Variants in ADIPOR2 observed in about 807,000 individuals in gnomAD.
The protein encoded by ADIPOR2 is adiponectin receptor 2, also known as adiponectin receptor protein 2.
Under a neutral mutation model 40.9 loss-of-function variants are expected in ADIPOR2, and 18 were observed. The ratio of observed to expected loss-of-function variants is 0.44; its 90% CI spans 0.30 to 0.65. The LOEUF (loss-of-function observed/expected upper bound fraction) is 0.65. Ranked by LOEUF, ADIPOR2 falls within the 30% of genes least tolerant of loss-of-function variation. The pLI, the probability that ADIPOR2 is intolerant of heterozygous loss-of-function variation, is 0.09. For missense variants in ADIPOR2, 283 were observed against 479.2 expected (o/e 0.59, Z 3.82); for synonymous variants, 165 against 166.4 (o/e 0.99, Z 0.06).
At chr12:1,768,309 A>G (rs888255636) in intron 2 of ADIPOR2, among the ~76,000 whole-genome samples, 1 of 152,094 alleles carries the variant, frequency 6.6e-6, no homozygotes, top group Non-Finnish European at 1.5e-5. Flanking sequence ...CTCTAGATGA[A>G]CTAGTCTCTT....
rs746463688 is a variant in ADIPOR2 at position 1,754,470 on chromosome 12, G to C, written c.127G>C (p.Glu43Gln). Residue 43 changes from glutamate (E) to glutamine (Q), a missense_variant, in exon 2 of 8, where the codon GAG becomes CAG. Physicochemically the swap from Glu to Gln is conservative, Grantham distance 29. Around this residue, in one of 3 missense-constraint regions of ADIPOR2, gnomAD observed 65 missense variants for 79.9 expected, o/e 0.81. Coordinates refer to ENST00000357103, the MANE Select transcript of ADIPOR2 (RefSeq NM_024551.3). Reference protein sequence around the residue: ...GDNDSHQGDLEPILEASVLSS... With the variant: ...GDNDSHQGDLQPILEASVLSS... ...TAATGACAGCCACCAAGGAGATTTGGAGCCCATTTTAGAGGCATCTGTTCT... is the reference window on the plus strand; with the variant it reads ...TAATGACAGCCACCAAGGAGATTTGCAGCCCATTTTAGAGGCATCTGTTCT... The C allele has an allele frequency of 1.9e-6, 3 of 1,613,084 alleles. No homozygotes were observed. Among genetic ancestry groups the C allele is most frequent in the Admixed American group, 3.3e-5 (2 of 59,870 alleles).
At chr12:1,773,540 A>G (rs1000038047) in intron 3 of ADIPOR2, among the ~76,000 whole-genome samples, 1 of 146,340 alleles carries the variant, frequency 6.8e-6, no homozygotes, top group Non-Finnish European at 1.5e-5. Context: ...TTTTTTCTAA[A>G]ATAGTAATTA....
chr12:1,778,565 G>C (rs1037301628), intron 4 of ADIPOR2: 5 of 152,128 alleles, frequency 3.3e-5, no homozygotes, highest in Non-Finnish European at 5.9e-5. Context: ...ACCCAAAATG[G>C]ATCAAAGACC....
Position 1,691,812 on chromosome 12 carries a change from G to T in ADIPOR2, c.-87+621G>T, listed in dbSNP as rs77946176. Among the ~76,000 whole-genome samples, 966 of 152,258 alleles carry T rather than the reference G, an allele frequency of 6.3e-3. 9 individuals are homozygous for T. Among genetic ancestry groups the T allele is most frequent in the African/African-American group, 0.022 (911 of 41,540 alleles). ...TATAAATCAGTTTTTAGGGGGCTCG[G>T]AGAGAGTTTGGGTTGGAAACTGTTA... On this transcript the variant is annotated intron_variant, in intron 1 of 7. Transcript: ENST00000357103.
At chr12:1,706,384 G>A (rs2094662761) in intron 1 of ADIPOR2, among the ~76,000 whole-genome samples, 1 of 152,140 alleles carries the variant, frequency 6.6e-6, no homozygotes, top group Admixed American at 6.5e-5. Flanking sequence ...GTCACAAGAA[G>A]GGCTTTTGGT....
intron 2 of ADIPOR2, among the ~76,000 whole-genome samples, chr12:1,770,706 C>T (rs755219515): frequency 1.4e-4 from 22 of 151,968 alleles, no homozygotes; most frequent in Non-Finnish European, 2.8e-4. Flanking sequence ...GGAAATGATA[C>T]GCTAAAAATG....
At chr12:1,775,169 G>T (rs1002961169) in intron 3 of ADIPOR2, among the ~76,000 whole-genome samples, 10 of 152,212 alleles carry the variant, frequency 6.6e-5, no homozygotes, top group Non-Finnish European at 1.0e-4. Flanking sequence ...GCATTTTATG[G>T]TCTAATATAT....
intron 1 of ADIPOR2, among the ~76,000 whole-genome samples, chr12:1,702,206 T>A (rs891251385): frequency 6.6e-6 from 1 of 152,178 alleles, no homozygotes; most frequent in African/African-American, 2.4e-5. Context: ...TAGAAAAATA[T>A]CAGGTTGTAT....
chr12:1,696,639 TC>T (rs1054317791), intron 1 of ADIPOR2: 7 of 152,232 alleles, frequency 4.6e-5, no homozygotes, highest in African/African-American at 1.7e-4. Context: ...CGAGCGATCC[TC>T]CTCCCTCAGC....
intron 1 of ADIPOR2, among the ~76,000 whole-genome samples, chr12:1,743,945 G>A (rs1272563301): frequency 6.6e-6 from 1 of 152,140 alleles, no homozygotes; most frequent in Admixed American, 6.5e-5. Flanking sequence ...CTGTGTCATT[G>A]TGTATGCCTG....
At chr12:1,725,755 A>G (rs554147209) in intron 1 of ADIPOR2, among the ~76,000 whole-genome samples, 10 of 152,386 alleles carry the variant, frequency 6.6e-5, no homozygotes, top group African/African-American at 2.4e-4. Flanking sequence ...TATAATACAA[A>G]TACACAAATT....
At chr12:1,760,661 C>T (rs1463678395) in intron 2 of ADIPOR2, 1 of 152,146 alleles carries the variant, frequency 6.6e-6, no homozygotes, top group Non-Finnish European at 1.5e-5. Context: ...GTACTTCATT[C>T]CTCTTTATGA....
chr12:1,724,804 TCA>T (rs753020465), intron 1 of ADIPOR2, among the ~76,000 whole-genome samples: 16 of 151,760 alleles, frequency 1.1e-4, no homozygotes, highest in Non-Finnish European at 2.1e-4. Context: ...GATCCTCCCA[TCA>T]CAGCCTCCCA....
At chr12:1,772,465 C>G (rs775277781) in intron 2 of ADIPOR2, among the ~76,000 whole-genome samples, 17 of 152,138 alleles carry the variant, frequency 1.1e-4, no homozygotes, top group Non-Finnish European at 2.1e-4. Flanking sequence ...TTGTGTATCA[C>G]AGTTAGTTAT....
chr12:1,785,432 C>A (rs753894573), intron 7 of ADIPOR2, among the ~76,000 whole-genome samples: 1 of 152,044 alleles, frequency 6.6e-6, no homozygotes, highest in Non-Finnish European at 1.5e-5. Context: ...TGTGACATTC[C>A]ACACACCATC....
At chr12:1,728,677 T>A (rs997350608) in intron 1 of ADIPOR2, among the ~76,000 whole-genome samples, 3 of 151,730 alleles carry the variant, frequency 2.0e-5, no homozygotes, top group African/African-American at 7.3e-5. Context: ...TGAGCCAAGA[T>A]GGCGCCATTG....
intron 1 of ADIPOR2, among the ~76,000 whole-genome samples, chr12:1,715,441 G>A (rs1489472703): frequency 2.6e-5 from 4 of 152,088 alleles, no homozygotes; most frequent in African/African-American, 7.3e-5. Flanking sequence ...GGGTGAGCCT[G>A]TTGATGCCTG....
At chr12:1,694,889 C>T (rs1233874761) in intron 1 of ADIPOR2, among the ~76,000 whole-genome samples, 5 of 150,052 alleles carry the variant, frequency 3.3e-5, no homozygotes, top group African/African-American at 4.9e-5. Context: ...TCCCTTCCCT[C>T]GTTTCTCCTA....
chr12:1,709,401 C>T lies in ADIPOR2; in HGVS notation c.-87+18210C>T, dbSNP rs2094671481. Reference sequence around the variant, plus strand: ...AAGTTTCATTTTTTCCAATTTGGTGCTAGTATGTAGATTACAATTGATTGG... The same window carrying T: ...AAGTTTCATTTTTTCCAATTTGGTGTTAGTATGTAGATTACAATTGATTGG... On this transcript the variant is annotated intron_variant, in intron 1 of 7. Transcript: ENST00000357103. Among the ~76,000 whole-genome samples, 3 of 152,110 alleles carry T rather than the reference C, an allele frequency of 2.0e-5. No individual in the cohort carries two copies. In the South Asian group the frequency reaches 6.2e-4, roughly 32 times the overall value.
Sources: gnomAD v4.1 joint callset for allele counts (sites outside exome capture counted in the v4.1 genomes callset) on GRCh38, gnomAD v4.1.1 for gene constraint, gnomAD v4.1.1 regional missense constraint, MANE v1.5 for transcripts, NCBI Gene and HGNC (gene_info 2026-07-23, HGNC 2026-07-21) for gene names.